TIAM2: variants seen among roughly 807,000 people sequenced by gnomAD.
The protein encoded by TIAM2 is rho guanine nucleotide exchange factor TIAM2.
A neutral mutation model predicts 152.9 loss-of-function variants in TIAM2; 80 were observed. That is an observed-to-expected ratio of 0.52 (90% confidence interval 0.44 to 0.63). The LOEUF is 0.63. Ranked by LOEUF, TIAM2 falls within the 30% of genes least tolerant of loss-of-function variation. The probability of loss-of-function intolerance (pLI) is 0.00; values close to 1 mark genes in which losing one functional copy is unlikely to be tolerated. For missense variants in TIAM2, 1,965 were observed against 2,120.1 expected (o/e 0.93, Z 1.44); for synonymous variants, 804 against 838.0 (o/e 0.96, Z 0.70).
rs924806946 is a variant in TIAM2, at chr6:155,130,766, G to A, written c.1194+349G>A. Among the ~76,000 whole-genome samples the A allele has an allele frequency of 2.0e-5, 3 of 152,146 alleles. No individual in the cohort carries two copies. In the South Asian group the frequency reaches 6.2e-4, roughly 32 times the overall value. On this transcript the variant is annotated intron_variant, in intron 4 of 26. Coordinates refer to ENST00000682666, the MANE Select transcript of TIAM2 (RefSeq NM_012454.4). ...AGTGCCAGTGTGGTCCGATTCTGGG[G>A]AGGGCTCTCTTCCTGGCTGCAGACA...
At chr6:155,236,519 C>A (rs1307147459) in intron 15 of TIAM2, among the ~76,000 whole-genome samples, 1 of 151,958 alleles carries the variant, frequency 6.6e-6, no homozygotes, top group Non-Finnish European at 1.5e-5. Context: ...AAAAATTAGC[C>A]AGGTGTGGTG....
chr6:155,140,617 A>AGAGAGAGAGAGAGAG, intron 5 of TIAM2, among the ~76,000 whole-genome samples: 1 of 142,476 alleles, frequency 7.0e-6, no homozygotes, highest in African/African-American at 2.7e-5. Context: ...AGAGAGAGAG[A>AGAGAGAGAGAGAGAG]ATATACCACT....
intron 2 of TIAM2, among the ~76,000 whole-genome samples, chr6:155,092,184 C>A (rs1461166048): frequency 1.4e-5 from 2 of 144,660 alleles, no homozygotes; most frequent in Admixed American, 1.4e-4. Flanking sequence ...CAGGCGTAAT[C>A]CCACCCAGGA....
At chr6:155,045,140 C>T (rs1777145505) in intron 1 of TIAM2, among the ~76,000 whole-genome samples, 1 of 150,874 alleles carries the variant, frequency 6.6e-6, no homozygotes, top group African/African-American at 2.4e-5. Flanking sequence ...AGCCTCTGCC[C>T]ACTGCAACCT....
chr6:155,140,584 GA>G (rs1779674650), intron 5 of TIAM2, among the ~76,000 whole-genome samples: 1 of 136,562 alleles, frequency 7.3e-6, no homozygotes, highest in African/African-American at 3.5e-5. Context: ...GAGAGAGAGA[GA>G]GAGAGAGAGA....
In TIAM2 at chr6:155,248,226, G is replaced by A. The variant is rs1342638190; in HGVS notation, c.3832+47G>A. The A allele has an allele frequency of 5.7e-6, 9 of 1,573,026 alleles. No homozygotes were observed. In the Admixed American group the frequency reaches 7.4e-5, roughly 13 times the overall value. Reference sequence around the variant, plus strand: ...CGGGCGAGGGCCTGCACAGGGCGGCGAGGGGCTGCCAGCCGTGCCCTGGGC... The same window carrying A: ...CGGGCGAGGGCCTGCACAGGGCGGCAAGGGGCTGCCAGCCGTGCCCTGGGC... On this transcript the variant is annotated intron_variant, in intron 20 of 26. Transcript: ENST00000682666.
intron 1 of TIAM2, among the ~76,000 whole-genome samples, chr6:155,053,862 A>G (rs897147113): frequency 5.3e-5 from 8 of 152,292 alleles, no homozygotes; most frequent in African/African-American, 1.9e-4. Flanking sequence ...CTGGAGGGTT[A>G]CACTTTTTAT....
rs963113053 is a variant in TIAM2, at chr6:155,251,546, T to C, written c.4061-399T>C. Among the ~76,000 whole-genome samples, 3 of 152,108 alleles carry C rather than the reference T, an allele frequency of 2.0e-5. No individual in the cohort carries two copies. The East Asian group carries it at 5.8e-4, about 29-fold the overall frequency. The stretch of plus-strand genomic sequence containing the variant: ...AGGTGATCCACCTGCCTCAGCCTCC[T>C]GGAGTGCTGGGATTACAGGCATTAG... On this transcript the variant is annotated intron_variant, in intron 22 of 26. Coordinates refer to ENST00000682666, the MANE Select transcript of TIAM2 (RefSeq NM_012454.4).
chr6:155,222,620 A>C (rs1583260017), intron 15 of TIAM2, among the ~76,000 whole-genome samples: 1 of 84,444 alleles, frequency 1.2e-5, no homozygotes, highest in African/African-American at 4.9e-5. Context: ...AAACAAACAA[A>C]AAAAAAAAAC....
At chr6:155,038,441 C>T (rs1776961532) in intron 1 of TIAM2, among the ~76,000 whole-genome samples, 1 of 152,182 alleles carries the variant, frequency 6.6e-6, no homozygotes, top group Non-Finnish European at 1.5e-5. Context: ...ATGGTCTTCT[C>T]TTGGGGCTAG....
chr6:155,052,222 G>A (rs1777334336), intron 1 of TIAM2, among the ~76,000 whole-genome samples: 2 of 152,012 alleles, frequency 1.3e-5, no homozygotes, highest in South Asian at 4.2e-4. Flanking sequence ...TCATGAAGAT[G>A]CAAAACAAAA....
intron 1 of TIAM2, among the ~76,000 whole-genome samples, chr6:155,017,012 A>G (rs1001221051): frequency 6.6e-6 from 1 of 152,212 alleles, no homozygotes; most frequent in Non-Finnish European, 1.5e-5. Flanking sequence ...TACATTCAAA[A>G]AGTTGATCTG....
chr6:155,185,962 C>A (rs1287617983), intron 14 of TIAM2, among the ~76,000 whole-genome samples: 3 of 152,192 alleles, frequency 2.0e-5, no homozygotes, highest in African/African-American at 7.2e-5. Context: ...TTTTCTTTTT[C>A]TTTTCGAGGT....
intron 8 of TIAM2, among the ~76,000 whole-genome samples, chr6:155,164,869 A>G (rs1350678327): frequency 6.6e-6 from 1 of 152,190 alleles, no homozygotes; most frequent in Non-Finnish European, 1.5e-5. Context: ...GTATTCCACC[A>G]TCAGGAAAGT....
At chr6:155,099,527 T>C (rs1778506128) in intron 2 of TIAM2, among the ~76,000 whole-genome samples, 1 of 152,182 alleles carries the variant, frequency 6.6e-6, no homozygotes, top group South Asian at 2.1e-4. Context: ...CATTGAGTAA[T>C]TAATGATGGT....
chr6:155,104,058 C>CACACA (rs1562316987), intron 2 of TIAM2, among the ~76,000 whole-genome samples: 26 of 60,302 alleles, frequency 4.3e-4, no homozygotes, highest in African/African-American at 1.7e-3. Flanking sequence ...CCCCACACCC[C>CACACA]CACACACCCC....
At chr6:155,183,829 A>G (rs566920964) in intron 14 of TIAM2, among the ~76,000 whole-genome samples, 1 of 152,300 alleles carries the variant, frequency 6.6e-6, no homozygotes, top group African/African-American at 2.4e-5. Context: ...ATAAATGCCA[A>G]AGTGGAAAGA....
At chr6:155,016,474 C>CTATATTTAAATTTAAATGTAAATGGTATT (rs1778584536) in intron 1 of TIAM2, 2 of 106,438 alleles carry the variant, frequency 1.9e-5, no homozygotes, top group African/African-American at 3.0e-5. Context: ...TATGGGAATA[C>CTATATTTAAATTTAAATGTAAATGGTATT]TATATTTAAA....
chr6:155,166,226 C>T (rs977803982), intron 9 of TIAM2, among the ~76,000 whole-genome samples: 1 of 152,142 alleles, frequency 6.6e-6, no homozygotes, highest in African/African-American at 2.4e-5. Context: ...TAGTTTCTGC[C>T]TAAGTCCACG....
Sources: allele counts gnomAD v4.1 joint callset (sites outside exome capture counted in the v4.1 genomes callset), GRCh38; gene constraint gnomAD v4.1.1; transcripts MANE v1.5; gene names NCBI Gene and HGNC (gene_info 2026-07-23, HGNC 2026-07-21).